The following PCSK6 variants were observed in gnomAD, a reference collection of about 807,000 sequenced individuals.
PCSK6 encodes paired basic amino acid cleaving enzyme 4.
In PCSK6, 85 loss-of-function variants were observed where a neutral mutation model predicts 123.3. That is an observed-to-expected ratio of 0.69 (90% CI 0.58 to 0.83). The LOEUF is 0.83. PCSK6 is among the 40% of genes least tolerant of loss of function. PCSK6 has a pLI of 0.00. For synonymous variants in PCSK6, 508 were observed against 516.0 expected (o/e 0.98, Z 0.21); for missense variants, 1,191 against 1,282.3 (o/e 0.93, Z 1.09).
intron 11 of PCSK6, among the ~76,000 whole-genome samples, chr15:101,378,851 T>C (rs906020455): frequency 1.3e-5 from 2 of 152,240 alleles, no homozygotes; most frequent in African/African-American, 2.4e-5. Flanking sequence ...TTTCACACCA[T>C]GGATGGCCTT....
intron 15 of PCSK6, among the ~76,000 whole-genome samples, chr15:101,329,453 A>T (rs936648629): frequency 6.6e-6 from 1 of 152,228 alleles, no homozygotes; most frequent in African/African-American, 2.4e-5. Flanking sequence ...AGAGGTGCCC[A>T]CGAGAATAAG....
intron 13 of PCSK6, among the ~76,000 whole-genome samples, chr15:101,341,951 G>A (rs1006957519): frequency 4.6e-5 from 7 of 151,886 alleles, no homozygotes; most frequent in African/African-American, 1.5e-4. Flanking sequence ...CCAACATGGC[G>A]AAAACCTGTC....
chr15:101,429,097 C>G (rs780277345), intron 5 of PCSK6, among the ~76,000 whole-genome samples: 3 of 152,194 alleles, frequency 2.0e-5, no homozygotes, highest in Non-Finnish European at 4.4e-5. Flanking sequence ...CGACCACAAA[C>G]TAAAAGACTA....
chr15:101,451,580 C>A (rs1418146293), intron 1 of PCSK6, among the ~76,000 whole-genome samples: 2 of 152,182 alleles, frequency 1.3e-5, no homozygotes, highest in Non-Finnish European at 2.9e-5. Context: ...TACTTTATCA[C>A]TCCCAAAGCC....
chr15:101,318,372 T>A lies in PCSK6; in HGVS notation c.2516A>T (p.Asp839Val), dbSNP rs763870723. The A allele has an allele frequency of 3.2e-6, 5 of 1,565,992 alleles. No individual in the cohort carries two copies. Among genetic ancestry groups the A allele is most frequent in the Non-Finnish European group, 4.3e-6 (5 of 1,155,402 alleles). Residue 839 changes from aspartate to valine, a missense_variant, in exon 19 of 22, where the codon GAC becomes GTC. Around this residue, in one of 3 missense-constraint regions of PCSK6, gnomAD observed 630 missense variants for 631.4 expected, o/e 1.00. Transcript: ENST00000611716. ...TTCCCCACATCTGATCAGCTCTGAG[T>A]CAAAGTAGGTGCCTGGCTCACAGTC... ...IPDCEPGTYF[D>V]SELIRCGECH...
chr15:101,387,420 T>C (rs2042097096), intron 9 of PCSK6, among the ~76,000 whole-genome samples: 1 of 152,228 alleles, frequency 6.6e-6, no homozygotes, highest in Non-Finnish European at 1.5e-5. Flanking sequence ...ATCTTGAATT[T>C]AGGTGCCGGG....
intron 6 of PCSK6, among the ~76,000 whole-genome samples, chr15:101,399,933 A>C (rs532705000): frequency 2.0e-5 from 3 of 152,328 alleles, no homozygotes; most frequent in African/African-American, 7.2e-5. Context: ...CGTAATGGAA[A>C]AGAGGACTTC....
At position 101,445,416 on chromosome 15, in the gene PCSK6, A is replaced by C. The variant is rs534894767; in HGVS notation, c.298-1756T>G. On this transcript the variant is annotated intron_variant, in intron 1 of 21. Transcript: ENST00000611716. ...GTGAAAGAGCTAGCAGAGACCCAGC[A>C]GGCAGGTAGTAAGTGCTCGATACAC... Among the ~76,000 whole-genome samples the C allele has an allele frequency of 2.6e-5, 4 of 152,338 alleles. No homozygotes were observed. The South Asian group carries it at 8.3e-4, about 32-fold the overall frequency.
chr15:101,457,840 G>C (rs2057228769), intron 1 of PCSK6, among the ~76,000 whole-genome samples: 2 of 152,324 alleles, frequency 1.3e-5, no homozygotes, highest in East Asian at 3.9e-4. Context: ...TCCATAAAAT[G>C]AGCCTGCGCT....
chr15:101,394,857 T>C (rs2042357070), intron 7 of PCSK6, among the ~76,000 whole-genome samples: 1 of 152,228 alleles, frequency 6.6e-6, no homozygotes, highest in African/African-American at 2.4e-5. Flanking sequence ...GCAGCCCCGC[T>C]GCTTAAGGCT....
At chr15:101,321,823 C>G (rs183081790) in intron 18 of PCSK6, among the ~76,000 whole-genome samples, 2 of 152,242 alleles carry the variant, frequency 1.3e-5, no homozygotes, top group Non-Finnish European at 2.9e-5. Context: ...CCTTCCAGTG[C>G]GGACCATGGT....
At chr15:101,457,411 A>AAT (rs1452157641) in intron 1 of PCSK6, among the ~76,000 whole-genome samples, 1 of 152,150 alleles carries the variant, frequency 6.6e-6, no homozygotes, top group Admixed American at 6.5e-5. Flanking sequence ...ATGCATATGG[A>AAT]ATGCTCGGCT....
At chr15:101,439,839 G>A (rs578015378) in intron 2 of PCSK6, among the ~76,000 whole-genome samples, 11 of 152,296 alleles carry the variant, frequency 7.2e-5, no homozygotes, top group East Asian at 1.9e-4. Context: ...GCACTGAAAT[G>A]AAGCATTGAA....
At chr15:101,453,579 C>T (rs907103061) in intron 1 of PCSK6, among the ~76,000 whole-genome samples, 3 of 152,120 alleles carry the variant, frequency 2.0e-5, no homozygotes, top group Admixed American at 6.5e-5. Flanking sequence ...CATTTGGATC[C>T]GACATGCGCT....
chr15:101,419,251 C>T (rs529412870), intron 6 of PCSK6, among the ~76,000 whole-genome samples: 1 of 151,326 alleles, frequency 6.6e-6, no homozygotes, highest in South Asian at 2.1e-4. Flanking sequence ...ATAAGGTGAC[C>T]AGAAACAAAA....
chr15:101,456,993 G>A (rs1174208090), intron 1 of PCSK6, among the ~76,000 whole-genome samples: 1 of 152,078 alleles, frequency 6.6e-6, no homozygotes, highest in Non-Finnish European at 1.5e-5. Flanking sequence ...CCAACATGGT[G>A]AAACCCCGTC....
chr15:101,400,932 A>G (rs973337300), intron 6 of PCSK6, among the ~76,000 whole-genome samples: 3 of 152,146 alleles, frequency 2.0e-5, no homozygotes, highest in Non-Finnish European at 2.9e-5. Context: ...CCCTTAATAT[A>G]TGCCCTGAAA....
intron 1 of PCSK6, among the ~76,000 whole-genome samples, chr15:101,480,824 C>A (rs772551161): frequency 2.0e-4 from 30 of 152,188 alleles, no homozygotes; most frequent in Non-Finnish European, 3.5e-4. Context: ...TGTACAAGTA[C>A]GTACGTGGCA....
At chr15:101,395,634 A>G (rs1243875322) in intron 7 of PCSK6, among the ~76,000 whole-genome samples, 1 of 152,192 alleles carries the variant, frequency 6.6e-6, no homozygotes, top group African/African-American at 2.4e-5. Flanking sequence ...GCTTCATGGA[A>G]GCCATGGGAC....
Sources: gnomAD v4.1 joint callset for allele counts (sites outside exome capture counted in the v4.1 genomes callset) on GRCh38, gnomAD v4.1.1 for gene constraint, gnomAD v4.1.1 regional missense constraint, MANE v1.5 for transcripts, NCBI Gene and HGNC (gene_info 2026-07-23, HGNC 2026-07-21) for gene names.